The following GLIS3 variants were observed in gnomAD, a reference collection of about 807,000 sequenced individuals.
GLIS3 encodes the protein zinc finger protein GLIS3.
A neutral mutation model predicts 78.6 loss-of-function variants in GLIS3; 53 were observed. The observed-to-expected ratio is 0.67, with a 90% CI of 0.54 to 0.85. GLIS3 has a LOEUF of 0.85. Among genes scored for constraint, GLIS3 ranks in the 40% least tolerant of loss-of-function variants. The pLI is 0.00. For synonymous variants in GLIS3, 684 were observed against 509.9 expected (o/e 1.34, Z -4.60); for missense variants, 1,703 against 1,231.1 (o/e 1.38, Z -5.74).
At chr9:4,339,235 T>C (rs1490695265) in intron 2 of GLIS3, among the ~76,000 whole-genome samples, 1 of 152,226 alleles carries the variant, frequency 6.6e-6, no homozygotes, top group Non-Finnish European at 1.5e-5. Flanking sequence ...TGGATTTGTC[T>C]TCTTCACTGA....
intron 4 of GLIS3, chr9:4,081,447 C>CT (rs1429396315): frequency 6.6e-6 from 1 of 152,228 alleles, no homozygotes; most frequent in Non-Finnish European, 1.5e-5. Flanking sequence ...AGGAGAGCCA[C>CT]TTACCCGCTG....
At chr9:4,351,605 G>A (rs1013964538), upstream of GLIS3, among the ~76,000 whole-genome samples, 1 of 152,026 alleles carries the variant, frequency 6.6e-6, no homozygotes, top group African/African-American at 2.4e-5. Context: ...ATTTTCATGG[G>A]CAAAAAGAGA....
At chr9:4,031,709 G>A (rs549702599) in intron 4 of GLIS3, among the ~76,000 whole-genome samples, 17 of 152,242 alleles carry the variant, frequency 1.1e-4, no homozygotes, top group Admixed American at 5.2e-4. Flanking sequence ...AAAAGACACT[G>A]CTCATAGGTA....
chr9:4,440,238 T>G, the GLIS3 span, among the ~76,000 whole-genome samples: 1 of 152,210 alleles, frequency 6.6e-6, no homozygotes, highest in Non-Finnish European at 1.5e-5. Context: ...CCTGTGATTT[T>G]GAGGTCTTAT....
At chr9:4,020,372 G>A (rs554970238) in intron 4 of GLIS3, among the ~76,000 whole-genome samples, 1 of 152,102 alleles carries the variant, frequency 6.6e-6, no homozygotes. Flanking sequence ...TGAGCACACT[G>A]CCACTCTTCC....
intron 2 of GLIS3, among the ~76,000 whole-genome samples, chr9:4,217,918 G>T (rs371663352): frequency 6.6e-6 from 1 of 152,176 alleles, no homozygotes; most frequent in South Asian, 2.1e-4. Context: ...GCAAGATGAG[G>T]ACTTACAAAC....
At chr9:4,483,967 G>A in the GLIS3 span, among the ~76,000 whole-genome samples, 1 of 152,208 alleles carries the variant, frequency 6.6e-6, no homozygotes, top group Non-Finnish European at 1.5e-5. Context: ...AGAGGACCAA[G>A]TGAATTAGTT....
chr9:4,372,553 A>AT, the GLIS3 span, among the ~76,000 whole-genome samples: 993 of 66,176 alleles, frequency 0.015, 22 homozygotes, highest in African/African-American at 0.055. Flanking sequence ...TGACCCTCCA[A>AT]TAAAAAAAAA....
At chr9:3,850,922 A>C (rs1173665025) in intron 9 of GLIS3, among the ~76,000 whole-genome samples, 1 of 152,182 alleles carries the variant, frequency 6.6e-6, no homozygotes, top group Non-Finnish European at 1.5e-5. Flanking sequence ...TTCAAGTATC[A>C]CTTCTACAGA....
intron 4 of GLIS3, among the ~76,000 whole-genome samples, chr9:3,953,394 T>C (rs1816829234): frequency 6.6e-6 from 1 of 152,218 alleles, no homozygotes; most frequent in African/African-American, 2.4e-5. Context: ...GTACAGATCA[T>C]TCCTTCCAAC....
intron 4 of GLIS3, among the ~76,000 whole-genome samples, chr9:3,993,047 C>A (rs921900495): frequency 6.6e-6 from 1 of 152,122 alleles, no homozygotes; most frequent in Non-Finnish European, 1.5e-5. Flanking sequence ...ACACGTGAGC[C>A]AGATGTTGGG....
At chr9:4,389,583 T>A in the GLIS3 span, among the ~76,000 whole-genome samples, 1 of 152,142 alleles carries the variant, frequency 6.6e-6, no homozygotes, top group African/African-American at 2.4e-5. Context: ...AATAGAAGAA[T>A]CTAAATCAAA....
the GLIS3 span, among the ~76,000 whole-genome samples, chr9:4,373,364 G>T: frequency 6.6e-6 from 1 of 151,946 alleles, no homozygotes; most frequent in Non-Finnish European, 1.5e-5. Context: ...AAGATTCACT[G>T]AAGAACTACT....
intron 4 of GLIS3, among the ~76,000 whole-genome samples, chr9:4,075,609 G>A (rs917252320): frequency 5.3e-5 from 8 of 152,070 alleles, no homozygotes; most frequent in South Asian, 2.1e-4. Flanking sequence ...AAAGATATTC[G>A]ATAGGGATCA....
At position 3,907,567 on chromosome 9, in the gene GLIS3, G is replaced by C. The variant is rs567110780; in HGVS notation, c.1984-8732C>G. 1.7e-3 allele frequency among the ~76,000 whole-genome samples: 256 copies of C among 149,644 alleles called. 1 individual carries two copies. Among genetic ancestry groups the C allele is most frequent in the Non-Finnish European group, 2.7e-3 (182 of 67,732 alleles). ...GGTGTGTCCGTGCCCCAGTTTCTGT[G>C]TACTTTAGAGCCAATGGCTAGCATC... is the stretch of plus-strand genomic sequence containing the variant. On this transcript the variant is annotated intron_variant, in intron 6 of 10. Transcript: ENST00000381971.
At chr9:4,373,793 G>C in the GLIS3 span, among the ~76,000 whole-genome samples, 6 of 151,102 alleles carry the variant, frequency 4.0e-5, no homozygotes, top group African/African-American at 4.9e-5. Context: ...TCAGTCTCCC[G>C]AGTAGCTGGG....
At chr9:4,354,036 C>A in the GLIS3 span, among the ~76,000 whole-genome samples, 1,850 of 148,148 alleles carry the variant, frequency 0.012, 47 homozygotes, top group African/African-American at 0.044. Context: ...CAGGGTCTCA[C>A]CGTGTTAGCC....
chr9:4,225,589 GA>G (rs1181917859), intron 2 of GLIS3, among the ~76,000 whole-genome samples: 2 of 152,158 alleles, frequency 1.3e-5, no homozygotes, highest in Non-Finnish European at 2.9e-5. Flanking sequence ...TTTAGTAGTA[GA>G]AGATGAAATT....
the GLIS3 span, among the ~76,000 whole-genome samples, chr9:4,360,903 G>A: frequency 4.6e-5 from 7 of 152,194 alleles, no homozygotes; most frequent in African/African-American, 1.7e-4. Flanking sequence ...CATGACAAGA[G>A]GAAACAGAGG....
Sources: gnomAD v4.1 joint callset for allele counts (sites outside exome capture counted in the v4.1 genomes callset) on GRCh38, gnomAD v4.1.1 for gene constraint, MANE v1.5 for transcripts, NCBI Gene and HGNC (gene_info 2026-07-23, HGNC 2026-07-21) for gene names.